The following DLGAP5 variants were observed in gnomAD, a reference collection of about 807,000 sequenced individuals.
DLGAP5 encodes disks large-associated protein 5.
A neutral mutation model predicts 99.6 loss-of-function variants in DLGAP5; 90 were observed. The ratio of observed to expected loss-of-function variants is 0.90; its 90% CI spans 0.76 to 1.08. The LOEUF (loss-of-function observed/expected upper bound fraction) is 1.08, where lower values mean the gene tolerates loss of function less well. DLGAP5 is among the 50% of genes least tolerant of loss of function. The pLI is 0.00. For synonymous variants in DLGAP5, 311 were observed against 321.3 expected (o/e 0.97, Z 0.34); for missense variants, 1,036 against 983.5 (o/e 1.05, Z -0.71).
At chr14:55,153,593 G>C (rs1210241754) in intron 15 of DLGAP5, among the ~76,000 whole-genome samples, 1 of 151,424 alleles carries the variant, frequency 6.6e-6, no homozygotes, top group Non-Finnish European at 1.5e-5. Context: ...TTTTAAAAAA[G>C]ATATGCTCTA....
intron 10 of DLGAP5, 22 bp from the exon 11 acceptor site, chr14:55,170,809 C>G (rs1368706726): frequency 3.1e-6 from 5 of 1,591,784 alleles, no homozygotes; most frequent in Non-Finnish European, 4.3e-6. Flanking sequence ...ACATACATTT[C>G]AGTTCTACAA....
chr14:55,169,398 C>A lies in DLGAP5; in HGVS notation c.1548+1G>T. 3 of 1,493,360 alleles carry A rather than the reference C, an allele frequency of 2.0e-6. No homozygotes were observed. The highest frequency in any genetic ancestry group is 2.7e-6 in the Non-Finnish European group (3 of 1,122,686). The allele number at this position is 1,493,360 out of a possible 1,614,324, so 92.5% of individuals were successfully genotyped here. A position where few individuals can be genotyped will look rare whatever the true frequency, so the allele number is the denominator to read the frequency against. On this transcript the variant is annotated splice_donor_variant, in intron 12 of 18. Coordinates refer to ENST00000247191, the MANE Select transcript of DLGAP5 (RefSeq NM_014750.5). LOFTEE classifies it high-confidence loss of function. Reference sequence around the variant, plus strand: ...TATATTTGAAATATTGAACCACATACCTGAAAACTAACCATATCCCAAAAT... The same window carrying A: ...TATATTTGAAATATTGAACCACATAACTGAAAACTAACCATATCCCAAAAT...
At chr14:55,190,752 C>CT (rs1246487002) in intron 1 of DLGAP5, among the ~76,000 whole-genome samples, 2 of 152,158 alleles carry the variant, frequency 1.3e-5, no homozygotes, top group Non-Finnish European at 2.9e-5. Context: ...ACATTCTCCT[C>CT]TAAGACCCAA....
intron 1 of DLGAP5, among the ~76,000 whole-genome samples, chr14:55,189,672 T>C (rs761736888): frequency 6.6e-6 from 1 of 152,194 alleles, no homozygotes; most frequent in African/African-American, 2.4e-5. Context: ...TAGAGTTGGA[T>C]AGAGAGGCAC....
At chr14:55,151,505 C>G (rs1882017575) in intron 17 of DLGAP5, among the ~76,000 whole-genome samples, 190 bp downstream of exon 17, 2 of 139,852 alleles carry the variant, frequency 1.4e-5, no homozygotes, top group African/African-American at 5.4e-5. Context: ...GCCTGGGCAA[C>G]AGAGTGAGAC....
intron 10 of DLGAP5, 93 bp downstream of exon 10, chr14:55,175,253 C>G: frequency 9.2e-7 from 1 of 1,091,162 alleles, no homozygotes; most frequent in South Asian, 1.5e-5. Flanking sequence ...CACCAGTTTT[C>G]CCCCACTATA....
At chr14:55,189,236 T>C in intron 1 of DLGAP5, 56 bp from the exon 2 acceptor site, 2 of 1,390,360 alleles carry the variant, frequency 1.4e-6, no homozygotes, top group South Asian at 1.2e-5. Context: ...TTTAAAAAAT[T>C]AAGATTACAG....
At chr14:55,163,217 A>G (rs1009369164) in intron 12 of DLGAP5, 142 bp from the exon 13 acceptor site, 4 of 434,864 alleles carry the variant, frequency 9.2e-6, no homozygotes, top group African/African-American at 8.1e-5. Flanking sequence ...TTCTCAATTT[A>G]GTGTTCAAAT....
At chr14:55,167,666 G>A (rs1421703461) in intron 12 of DLGAP5, among the ~76,000 whole-genome samples, 1 of 152,154 alleles carries the variant, frequency 6.6e-6, no homozygotes, top group Admixed American at 6.5e-5. Flanking sequence ...GTACATGGAA[G>A]GAGGTGAACT....
Position 55,177,114 on chromosome 14 carries a change from C to T in DLGAP5, c.997G>A (p.Ala333Thr), listed in dbSNP as rs1416947943. The T allele has an allele frequency of 6.5e-7, 1 of 1,541,560 alleles. No homozygotes were observed. The highest frequency in any genetic ancestry group is 8.7e-7 in the Non-Finnish European group (1 of 1,149,764). Residue 333 changes from alanine (A) to threonine (T), a missense_variant, in exon 8 of 19, where the codon GCC becomes ACC. Physicochemically the swap from Ala to Thr is moderately conservative, Grantham distance 58. Coordinates refer to ENST00000247191, the MANE Select transcript of DLGAP5 (RefSeq NM_014750.5). Reference sequence around the variant, plus strand: ...TAACTGGGTGTCAAAAAAGCATTGGCACTTCTGGGAGTCATAGGTGTTACT... The same window carrying T: ...TAACTGGGTGTCAAAAAAGCATTGGTACTTCTGGGAGTCATAGGTGTTACT... Reference protein sequence around the residue: ...YQVTPMTPRSANAFLTPSYTW... With the variant: ...YQVTPMTPRSTNAFLTPSYTW...
At chr14:55,149,359 C>A (rs1555327321) in intron 18 of DLGAP5, among the ~76,000 whole-genome samples, 1 of 152,072 alleles carries the variant, frequency 6.6e-6, no homozygotes, top group Non-Finnish European at 1.5e-5. Context: ...AGGCTAAAAC[C>A]AAGAAAGAAT....
At chr14:55,173,543 T>G (rs756958376) in intron 10 of DLGAP5, among the ~76,000 whole-genome samples, 3 of 152,060 alleles carry the variant, frequency 2.0e-5, no homozygotes, top group African/African-American at 7.2e-5. Context: ...GCAAACAGAA[T>G]AGTGTGTATT....
chr14:55,153,153 G>C (rs1882075425), intron 15 of DLGAP5, among the ~76,000 whole-genome samples: 2 of 152,098 alleles, frequency 1.3e-5, no homozygotes, highest in South Asian at 4.1e-4. Flanking sequence ...TCTGCTGCTT[G>C]TTAACAAGTA....
intron 1 of DLGAP5, among the ~76,000 whole-genome samples, chr14:55,189,926 G>A (rs193245952): frequency 1.9e-4 from 29 of 152,182 alleles, no homozygotes; most frequent in African/African-American, 6.0e-4. Flanking sequence ...GCCAACTCTC[G>A]AGAAATCCTG....
chr14:55,173,645 A>C (rs1174353421), intron 10 of DLGAP5, among the ~76,000 whole-genome samples: 1 of 152,076 alleles, frequency 6.6e-6, no homozygotes, highest in African/African-American at 2.4e-5. Flanking sequence ...GGGACCCCAA[A>C]CGGAGGGACT....
intron 2 of DLGAP5, among the ~76,000 whole-genome samples, chr14:55,187,172 A>C (rs1010132456): frequency 2.6e-5 from 4 of 151,762 alleles, no homozygotes; most frequent in African/African-American, 9.7e-5. Context: ...GGGTACTGGG[A>C]TTATAGGTAT....
chr14:55,148,257 T>A lies in DLGAP5; in HGVS notation c.*94A>T. On this transcript the variant is annotated 3_prime_UTR_variant, in exon 19 of 19. Coordinates refer to ENST00000247191, the MANE Select transcript of DLGAP5 (RefSeq NM_014750.5). ...ATTAAAACATTATATGCTATAGAAG[T>A]GAACACAAATACATTTTCTCCAAAA... 6 of 1,282,220 alleles carry A rather than the reference T, an allele frequency of 4.7e-6. No homozygotes were observed. The highest frequency in any genetic ancestry group is 6.6e-6 in the Non-Finnish European group (6 of 913,818). 79.4% of individuals were successfully genotyped at this position (1,282,220 alleles called of 1,614,324 possible).
chr14:55,187,663 T>C (rs928120078), intron 2 of DLGAP5, among the ~76,000 whole-genome samples: 5 of 151,336 alleles, frequency 3.3e-5, no homozygotes, highest in Non-Finnish European at 7.4e-5. Context: ...TCTCCATGTG[T>C]GGCCGAGGCC....
intron 10 of DLGAP5, among the ~76,000 whole-genome samples, chr14:55,172,035 G>A (rs749917606): frequency 6.6e-6 from 1 of 152,208 alleles, no homozygotes; most frequent in African/African-American, 2.4e-5. Context: ...GATAATTTTT[G>A]TATTTTTAGT....
Sources: gnomAD v4.1 joint callset for allele counts (sites outside exome capture counted in the v4.1 genomes callset) on GRCh38, gnomAD v4.1.1 for gene constraint, MANE v1.5 for transcripts, NCBI Gene and HGNC (gene_info 2026-07-23, HGNC 2026-07-21) for gene names.